CTIF: variants seen among roughly 807,000 people sequenced by gnomAD.
The protein encoded by CTIF is CBP80/20-dependent translation initiation factor.
Under a neutral mutation model 66.0 loss-of-function variants are expected in CTIF, and 21 were observed. The observed-to-expected ratio is 0.32, with a 90% CI of 0.23 to 0.46. The LOEUF (loss-of-function observed/expected upper bound fraction) is 0.46. Ranked by LOEUF, CTIF falls within the 20% of genes least tolerant of loss-of-function variation. The pLI, the probability that CTIF is intolerant of heterozygous loss-of-function variation, is 1.00. For missense variants in CTIF, 739 were observed against 812.7 expected (o/e 0.91, Z 1.10); for synonymous variants, 345 against 326.4 (o/e 1.06, Z -0.62).
At chr18:48,627,739 A>C (rs2090628429) in intron 2 of CTIF, among the ~76,000 whole-genome samples, 1 of 145,288 alleles carries the variant, frequency 6.9e-6, no homozygotes. Flanking sequence ...AACAAAAAAC[A>C]GAAAGAAAGA....
intron 7 of CTIF, among the ~76,000 whole-genome samples, chr18:48,717,592 T>C (rs2145540089): frequency 6.6e-6 from 1 of 152,212 alleles, no homozygotes; most frequent in South Asian, 2.1e-4. Flanking sequence ...ACTTTGTGAA[T>C]AGACTAAAAA....
intron 1 of CTIF, among the ~76,000 whole-genome samples, chr18:48,582,290 G>A (rs2089675006): frequency 6.6e-6 from 1 of 152,052 alleles, no homozygotes; most frequent in African/African-American, 2.4e-5. Context: ...CATGGGGCAG[G>A]GCAGGGAGGT....
chr18:48,542,329 G>T (rs1297986487), intron 1 of CTIF, among the ~76,000 whole-genome samples: 3 of 152,208 alleles, frequency 2.0e-5, no homozygotes, highest in Non-Finnish European at 4.4e-5. Flanking sequence ...TGTGTTCATT[G>T]AGTCTTTATT....
rs537979598 is a variant in CTIF, at chr18:48,551,646, G to A, written c.-29+12334G>A. 2.6e-5 allele frequency among the ~76,000 whole-genome samples: 4 copies of A among 152,188 alleles called. No homozygotes were observed. In the South Asian group the frequency reaches 8.3e-4, roughly 32 times the overall value. ...CCTGAAAAGTTAGCATTCCTCCTGA[G>A]GTCACACAGGGAAGCCAGGCTAGAA... On this transcript the variant is annotated intron_variant, in intron 1 of 11. Transcript: ENST00000256413.
chr18:48,635,800 C>T (rs1488034589), intron 2 of CTIF, among the ~76,000 whole-genome samples: 1 of 152,200 alleles, frequency 6.6e-6, no homozygotes, highest in South Asian at 2.1e-4. Flanking sequence ...GTTTTTATAG[C>T]TCACAAAGGT....
chr18:48,711,305 T>A (rs1450865227), intron 6 of CTIF, among the ~76,000 whole-genome samples: 1 of 152,244 alleles, frequency 6.6e-6, no homozygotes, highest in Non-Finnish European at 1.5e-5. Context: ...CTGCAAAACC[T>A]TGAACCAGCT....
rs189513265 is a variant in CTIF, at chr18:48,761,932, A to G, written c.1371+243A>G. On this transcript the variant is annotated intron_variant, in intron 9 of 11. Transcript: ENST00000256413. The surrounding 1 kb of genome is among the most constrained non-coding windows in gnomAD (Gnocchi z 4.2). ...ACCAATATAATTTTATAGGTGCTTT[A>G]TGTTTAACCAGCCTTTCCCACTTTC... Among the ~76,000 whole-genome samples, 582 of 152,316 alleles carry G rather than the reference A, an allele frequency of 3.8e-3. 2 individuals are homozygous for G. Among genetic ancestry groups the G allele is most frequent in the Middle Eastern group, 0.031 (9 of 294 alleles).
chr18:48,670,607 G>T, intron 5 of CTIF, 62 bp from the exon 6 acceptor site: 1 of 1,443,290 alleles, frequency 6.9e-7, no homozygotes, highest in South Asian at 1.1e-5. Flanking sequence ...CCTGCTGGCC[G>T]GATGGGACAG....
chr18:48,819,920 G>A (rs2068447505), intron 10 of CTIF, among the ~76,000 whole-genome samples: 1 of 152,234 alleles, frequency 6.6e-6, no homozygotes, highest in Non-Finnish European at 1.5e-5. Context: ...GGTGCAGGGA[G>A]GGTGGCAAGG....
chr18:48,554,831 T>C lies in CTIF; in HGVS notation c.-29+15519T>C, dbSNP rs558256830. 5.3e-5 allele frequency among the ~76,000 whole-genome samples: 8 copies of C among 152,340 alleles called. No individual in the cohort carries two copies. The South Asian group carries it at 8.3e-4, about 16-fold the overall frequency. On this transcript the variant is annotated intron_variant, in intron 1 of 11. Transcript: ENST00000256413. Reference sequence around the variant, plus strand: ...CATCTGCCTTGTAGCCTCCCGGGAATTGGAAGCTTACAGCTTTGCAGCCCA... The same window carrying C: ...CATCTGCCTTGTAGCCTCCCGGGAACTGGAAGCTTACAGCTTTGCAGCCCA...
intron 6 of CTIF, among the ~76,000 whole-genome samples, chr18:48,685,016 TTTTG>T (rs947974939): frequency 1.3e-5 from 2 of 148,966 alleles, no homozygotes; most frequent in African/African-American, 2.5e-5. Context: ...GTTTTTGTTT[TTTTG>T]TTTGTTTGTA....
chr18:48,617,985 AG>A (rs1199424488), intron 1 of CTIF, among the ~76,000 whole-genome samples: 1 of 152,168 alleles, frequency 6.6e-6, no homozygotes, highest in African/African-American at 2.4e-5. Flanking sequence ...GGGAAAGCAG[AG>A]GAAGATGTGT....
At chr18:48,651,059 A>G (rs193039759) in intron 3 of CTIF, among the ~76,000 whole-genome samples, 2 of 152,234 alleles carry the variant, frequency 1.3e-5, no homozygotes, top group African/African-American at 2.4e-5. Flanking sequence ...TCTAAAGACC[A>G]TCGAGGCTAG....
At chr18:48,640,695 C>A (rs1031097168) in intron 3 of CTIF, among the ~76,000 whole-genome samples, 5 of 152,212 alleles carry the variant, frequency 3.3e-5, no homozygotes, top group African/African-American at 1.2e-4. Context: ...TTCTGCCAAG[C>A]AACCTCTGGG....
chr18:48,812,625 A>T (rs1280019377), intron 9 of CTIF, among the ~76,000 whole-genome samples: 8 of 152,086 alleles, frequency 5.3e-5, no homozygotes, highest in Admixed American at 5.2e-4. Context: ...ATAGTGTTAT[A>T]TGCCTGTAGT....
At chr18:48,797,491 A>AAG (rs1555695483) in intron 9 of CTIF, among the ~76,000 whole-genome samples, 1 of 107,326 alleles carries the variant, frequency 9.3e-6, no homozygotes, top group Admixed American at 1.0e-4. Context: ...CAAAAAAGAA[A>AAG]AGGGGTGGGG....
At chr18:48,664,322 C>T in intron 4 of CTIF, 125 bp from the exon 5 acceptor site, 7 of 804,840 alleles carry the variant, frequency 8.7e-6, no homozygotes, top group South Asian at 4.6e-5. Context: ...TGGGGCTCCC[C>T]GCCTGGCCCC....
chr18:48,549,762 G>A (rs746700369), intron 1 of CTIF, among the ~76,000 whole-genome samples: 3 of 152,162 alleles, frequency 2.0e-5, no homozygotes, highest in Admixed American at 6.5e-5. Context: ...CCATGCCTCC[G>A]CTCCAGTGGA....
intron 7 of CTIF, among the ~76,000 whole-genome samples, chr18:48,752,401 G>T (rs1478287426): frequency 6.6e-6 from 1 of 152,198 alleles, no homozygotes; most frequent in Non-Finnish European, 1.5e-5. Context: ...CCTAAGCTTT[G>T]TAGCGATGCC....
Sources: gnomAD v4.1 joint callset for allele counts (sites outside exome capture counted in the v4.1 genomes callset) on GRCh38, gnomAD v4.1.1 for gene constraint, Gnocchi (gnomAD v3.1) non-coding constraint, MANE v1.5 for transcripts, NCBI Gene and HGNC (gene_info 2026-07-23, HGNC 2026-07-21) for gene names.